Variants in DPP10 observed in about 807,000 individuals in gnomAD.
DPP10 encodes inactive dipeptidyl peptidase 10.
In DPP10, 33 loss-of-function variants were observed where a neutral mutation model predicts 120.9. The observed-to-expected ratio is 0.27, with a 90% CI of 0.21 to 0.37. The LOEUF is 0.37. DPP10 is among the 10% of genes least tolerant of loss of function. DPP10 has a pLI of 1.00. For missense variants in DPP10, 816 were observed against 942.8 expected, an observed-to-expected ratio of 0.87 and a Z score of 1.76; for synonymous variants, 337 against 326.1, an observed-to-expected ratio of 1.03 and a Z score of -0.36.
intron 1 of DPP10, among the ~76,000 whole-genome samples, chr2:115,186,334 C>G (rs2054433045): frequency 6.6e-6 from 1 of 152,100 alleles, no homozygotes; most frequent in Non-Finnish European, 1.5e-5. Flanking sequence ...CATTATACAC[C>G]AGGAATTGTG....
intron 5 of DPP10, among the ~76,000 whole-genome samples, chr2:115,683,267 A>C (rs760879616): frequency 3.3e-5 from 5 of 151,946 alleles, no homozygotes; most frequent in Non-Finnish European, 2.9e-5. Context: ...GGATGATTCC[A>C]ACTATATGGC....
At chr2:115,156,570 G>A (rs2051928101) in intron 1 of DPP10, among the ~76,000 whole-genome samples, 1 of 152,188 alleles carries the variant, frequency 6.6e-6, no homozygotes, top group Non-Finnish European at 1.5e-5. Flanking sequence ...TCTAGAATGG[G>A]AAATGTGTTT....
chr2:115,176,236 A>C (rs2053679074), intron 1 of DPP10, among the ~76,000 whole-genome samples: 1 of 149,054 alleles, frequency 6.7e-6, no homozygotes, highest in East Asian at 1.9e-4. Flanking sequence ...TGTCTATACT[A>C]TTTATATATG....
Position 115,689,738 on chromosome 2 carries a change from A to G in DPP10, c.493A>G (p.Arg165Gly). ...ASYVIYNIHT[R>G]EVWELNPPEV... Reference sequence around the variant, plus strand: ...ATATGTGATTTACAACATACACACTAGGTAAGTTCTTTGATTTTCTAGTTT... The same window carrying G: ...ATATGTGATTTACAACATACACACTGGGTAAGTTCTTTGATTTTCTAGTTT... Residue 165 changes from arginine (R) to glycine (G), a missense_variant and splice_region_variant, in exon 6 of 26, where the codon AGG becomes GGG. Physicochemically the swap from Arg to Gly is moderately radical, Grantham distance 125 (BLOSUM62 -2). This residue lies in a region of DPP10 where 182 missense variants were observed against 207.4 expected (regional missense o/e 0.88). Transcript: ENST00000410059. 4 of 1,600,426 alleles carry G rather than the reference A, an allele frequency of 2.5e-6. No individual in the cohort carries two copies. The highest frequency in any genetic ancestry group is 1.3e-5 in the African/African-American group (1 of 74,666).
chr2:115,682,294 T>G (rs1575516017), intron 5 of DPP10, among the ~76,000 whole-genome samples: 1 of 151,910 alleles, frequency 6.6e-6, no homozygotes, highest in Non-Finnish European at 1.5e-5. Context: ...AGTTGCTTAT[T>G]TGTGTTAATT....
intron 1 of DPP10, among the ~76,000 whole-genome samples, chr2:114,530,921 C>T (rs1032058372): frequency 3.3e-5 from 5 of 151,674 alleles, no homozygotes; most frequent in African/African-American, 1.2e-4. Flanking sequence ...TGTGAATTTG[C>T]ATAAGTAAAT....
At chr2:115,414,117 G>A (rs1421953943) in intron 3 of DPP10, among the ~76,000 whole-genome samples, 1 of 152,014 alleles carries the variant, frequency 6.6e-6, no homozygotes, top group African/African-American at 2.4e-5. Flanking sequence ...CTACGTGGAT[G>A]GTTAATAAAA....
At chr2:115,056,633 A>G (rs1179138536) in intron 1 of DPP10, among the ~76,000 whole-genome samples, 1 of 152,202 alleles carries the variant, frequency 6.6e-6, no homozygotes. Context: ...TGCTGGGATC[A>G]GAGGCATAAG....
chr2:114,680,058 T>G (rs947357971), intron 1 of DPP10, among the ~76,000 whole-genome samples: 1 of 152,030 alleles, frequency 6.6e-6, no homozygotes, highest in Non-Finnish European at 1.5e-5. Flanking sequence ...CGAACACTTC[T>G]GTTGGCACAT....
intron 7 of DPP10, among the ~76,000 whole-genome samples, chr2:115,698,110 C>G (rs1210328046): frequency 6.6e-6 from 1 of 152,152 alleles, no homozygotes; most frequent in Non-Finnish European, 1.5e-5. Flanking sequence ...CAGGATGGAT[C>G]ATACATTTTG....
chr2:114,449,326 A>T (rs1415568668), intron 1 of DPP10, among the ~76,000 whole-genome samples: 1 of 152,148 alleles, frequency 6.6e-6, no homozygotes, highest in African/African-American at 2.4e-5. Flanking sequence ...AATTGTGAAC[A>T]AAGCTGGCCT....
chr2:115,256,432 A>T (rs2058990916), intron 1 of DPP10, among the ~76,000 whole-genome samples: 1 of 152,166 alleles, frequency 6.6e-6, no homozygotes, highest in Admixed American at 6.5e-5. Context: ...GGCTTATGGC[A>T]TGCCTTCTCT....
At chr2:115,527,581 A>G (rs967418141) in intron 5 of DPP10, among the ~76,000 whole-genome samples, 2 of 152,144 alleles carry the variant, frequency 1.3e-5, no homozygotes, top group Non-Finnish European at 2.9e-5. Context: ...AGTCTAGAAG[A>G]AAATATTTGA....
chr2:115,163,840 G>C (rs953039868), intron 1 of DPP10, among the ~76,000 whole-genome samples: 1 of 145,006 alleles, frequency 6.9e-6, no homozygotes, highest in Non-Finnish European at 1.5e-5. Context: ...TGCAGAAGCA[G>C]AGCAGAGCAG....
At chr2:115,064,422 G>T (rs1462611890) in intron 1 of DPP10, among the ~76,000 whole-genome samples, 1 of 152,118 alleles carries the variant, frequency 6.6e-6, no homozygotes, top group East Asian at 1.9e-4. Context: ...TGACCTTCAG[G>T]ATCTCTTCCC....
chr2:115,563,678 C>G (rs928202689), intron 5 of DPP10, among the ~76,000 whole-genome samples: 1 of 152,142 alleles, frequency 6.6e-6, no homozygotes, highest in Non-Finnish European at 1.5e-5. Context: ...TTTTTATACT[C>G]CTACCTCTTC....
chr2:114,659,882 A>G lies in DPP10; in HGVS notation c.60+217044A>G, dbSNP rs145915858. Among the ~76,000 whole-genome samples, 459 of 152,340 alleles carry G rather than the reference A, an allele frequency of 3.0e-3. 6 individuals are homozygous for G. The highest frequency in any genetic ancestry group is 0.011 in the African/African-American group (440 of 41,570). ...TAAAGACAGAGGGAGAAACTGATGC[A>G]GCTACCAGCCACGTAATATCAAGTG... is the stretch of plus-strand genomic sequence containing the variant. On this transcript the variant is annotated intron_variant, in intron 1 of 25. Transcript: ENST00000410059.
chr2:114,535,313 C>A (rs952940450), intron 1 of DPP10, among the ~76,000 whole-genome samples: 10 of 152,118 alleles, frequency 6.6e-5, no homozygotes, highest in Admixed American at 6.5e-5. Context: ...CATTTAGATA[C>A]CCTTTCCTTA....
intron 1 of DPP10, among the ~76,000 whole-genome samples, chr2:114,528,379 G>A (rs1426365404): frequency 2.0e-5 from 3 of 152,130 alleles, no homozygotes; most frequent in Non-Finnish European, 2.9e-5. Context: ...CAATCACTTT[G>A]TGAGAGTGAA....
Sources: allele counts gnomAD v4.1 joint callset (sites outside exome capture counted in the v4.1 genomes callset), GRCh38; gene constraint gnomAD v4.1.1; regional missense constraint gnomAD v4.1.1; transcripts MANE v1.5; gene names NCBI Gene and HGNC (gene_info 2026-07-23, HGNC 2026-07-21).